Variants in MAGI3 observed in about 807,000 individuals in gnomAD.
MAGI3 encodes the protein membrane associated guanylate kinase, WW and PDZ domain containing 3.
Under a neutral mutation model 121.8 loss-of-function variants are expected in MAGI3, and 43 were observed. The ratio of observed to expected loss-of-function variants is 0.35; its 90% confidence interval spans 0.28 to 0.46. The LOEUF (loss-of-function observed/expected upper bound fraction) is 0.46, where lower values mean the gene tolerates loss of function less well. Ranked by LOEUF, MAGI3 falls within the 20% of genes least tolerant of loss-of-function variation. The pLI, the probability that MAGI3 is intolerant of heterozygous loss-of-function variation, is 1.00. For synonymous variants in MAGI3, 553 were observed against 639.3 expected (o/e 0.86, Z 2.04); for missense variants, 1,547 against 1,797.3 (o/e 0.86, Z 2.52).
chr1:113,570,070 T>A (rs1312918679), intron 2 of MAGI3, among the ~76,000 whole-genome samples: 1 of 152,078 alleles, frequency 6.6e-6, no homozygotes, highest in Non-Finnish European at 1.5e-5. Flanking sequence ...GACCCCAGTG[T>A]GTGATGTTGC....
intron 1 of MAGI3, among the ~76,000 whole-genome samples, chr1:113,455,575 T>C (rs955864040): frequency 1.3e-5 from 2 of 152,124 alleles, no homozygotes; most frequent in African/African-American, 4.8e-5. Flanking sequence ...CATCTAATAC[T>C]GTTCTCTTTT....
rs189253283 is a variant in MAGI3, at chr1:113,399,106, T to G, written c.316+7757T>G. ...ATTATTATTTGGTTCTCTTTTCTTC[T>G]GGGTTGGATTTTTTCTCAGCTAGAC... On this transcript the variant is annotated intron_variant, in intron 1 of 20. Transcript: ENST00000307546. Among the ~76,000 whole-genome samples, 6 of 147,840 alleles carry G rather than the reference T, an allele frequency of 4.1e-5. No homozygotes were observed. In the East Asian group the frequency reaches 1.6e-3, roughly 40 times the overall value.
intron 1 of MAGI3, among the ~76,000 whole-genome samples, chr1:113,519,846 A>G (rs1658090312): frequency 6.6e-6 from 1 of 152,234 alleles, no homozygotes; most frequent in South Asian, 2.1e-4. Context: ...TTGTTTGCAC[A>G]ATTTAGGCAA....
At chr1:113,674,949 T>A (rs1305515709) in intron 19 of MAGI3, among the ~76,000 whole-genome samples, 1 of 152,220 alleles carries the variant, frequency 6.6e-6, no homozygotes, top group Non-Finnish European at 1.5e-5. Context: ...CCAGGCTGAA[T>A]AAATGAGCAA....
chr1:113,534,921 A>G (rs1326007054), intron 1 of MAGI3, among the ~76,000 whole-genome samples: 3 of 152,172 alleles, frequency 2.0e-5, no homozygotes, highest in African/African-American at 7.2e-5. Context: ...TCTTAACAGT[A>G]AATTGCCTTA....
intron 1 of MAGI3, among the ~76,000 whole-genome samples, chr1:113,445,095 T>G (rs1654106446): frequency 6.6e-6 from 1 of 151,954 alleles, no homozygotes; most frequent in South Asian, 2.1e-4. Flanking sequence ...TAAACAGAGC[T>G]TAAGGAATCT....
At chr1:113,494,267 A>G (rs1656809291) in intron 1 of MAGI3, among the ~76,000 whole-genome samples, 1 of 152,162 alleles carries the variant, frequency 6.6e-6, no homozygotes, top group Non-Finnish European at 1.5e-5. Flanking sequence ...AGGAACAGAA[A>G]ACCAAATACC....
At chr1:113,644,749 G>A (rs1777237) in intron 11 of MAGI3, among the ~76,000 whole-genome samples, 114,133 of 152,094 alleles carry the variant, frequency 0.75, 43,576 homozygotes, top group African/African-American at 0.85. Context: ...TGCATCAAAT[G>A]CTGCTGTTGT....
intron 2 of MAGI3, chr1:113,576,879 G>A (rs1054642721): frequency 6.6e-6 from 1 of 152,094 alleles, no homozygotes; most frequent in African/African-American, 2.4e-5. Flanking sequence ...AAGAAAGTGT[G>A]GGATTAAATA....
At chr1:113,528,728 C>T (rs1658571467) in intron 1 of MAGI3, among the ~76,000 whole-genome samples, 1 of 152,070 alleles carries the variant, frequency 6.6e-6, no homozygotes, top group African/African-American at 2.4e-5. Context: ...AAGAATTTTG[C>T]ACCTGGAAAT....
rs1173666902 is a variant in MAGI3, at chr1:113,590,539, C to T, written c.819C>T (p.Tyr273=). Residue 273 remains tyrosine (Y), a synonymous_variant, in exon 5 of 21, where the codon TAC becomes TAT. Transcript: ENST00000307546. ...ACTGGATGAAGACTGTTCCAAGTTA[C>T]AACCAAACAAATAGCTCCATGGACT... The part of the protein sequence containing the change: ...SSDWMKTVPS[Y]NQTNSSMDFR... 2 of 1,613,754 alleles carry T rather than the reference C, an allele frequency of 1.2e-6. No homozygotes were observed. The highest frequency in any genetic ancestry group is 1.3e-5 in the African/African-American group (1 of 75,016).
Position 113,444,338 on chromosome 1 carries a change from T to G in MAGI3, c.316+52989T>G, listed in dbSNP as rs559473251. Among the ~76,000 whole-genome samples, 5 of 152,234 alleles carry G rather than the reference T, an allele frequency of 3.3e-5. No individual in the cohort carries two copies. In the East Asian group the frequency reaches 9.6e-4, roughly 29 times the overall value. On this transcript the variant is annotated intron_variant, in intron 1 of 20. Coordinates refer to ENST00000307546, the MANE Select transcript of MAGI3 (RefSeq NM_001142782.2). ...TGTATACCTACCCCCATTGTTGCAG[T>G]CCCCTCCCCCTTCAGCTGAAGTGAT...
intron 1 of MAGI3, among the ~76,000 whole-genome samples, chr1:113,449,360 G>GGTGTGT (rs71087199): frequency 0.12 from 17,765 of 147,214 alleles, 1,293 homozygotes; most frequent in Non-Finnish European, 0.17. Flanking sequence ...TTACTTTTAT[G>GGTGTGT]GTGTGTGTGT....
At chr1:113,599,971 C>T (rs1215932568) in intron 6 of MAGI3, among the ~76,000 whole-genome samples, 1 of 152,044 alleles carries the variant, frequency 6.6e-6, no homozygotes, top group African/African-American at 2.4e-5. Context: ...AGACAAAAAC[C>T]ACATGGTTAT....
intron 1 of MAGI3, among the ~76,000 whole-genome samples, chr1:113,521,349 G>C (rs1386615839): frequency 6.6e-6 from 1 of 151,426 alleles, no homozygotes; most frequent in Non-Finnish European, 1.5e-5. Context: ...GCCTCCCAGA[G>C]AGCTGGGATT....
chr1:113,590,697 A>AC, intron 5 of MAGI3, 39 bp downstream of exon 5: 1 of 1,541,000 alleles, frequency 6.5e-7, no homozygotes, highest in South Asian at 1.3e-5. Context: ...GTGCCCTAAC[A>AC]TGTTGAGGAT....
intron 13 of MAGI3, among the ~76,000 whole-genome samples, chr1:113,649,673 A>G (rs561133457): frequency 5.9e-5 from 9 of 152,276 alleles, no homozygotes; most frequent in Non-Finnish European, 1.0e-4. Flanking sequence ...CTATAATCCC[A>G]TGTCCTCTTT....
intron 1 of MAGI3, among the ~76,000 whole-genome samples, chr1:113,472,277 A>G (rs1244054185): frequency 1.4e-5 from 2 of 148,066 alleles, no homozygotes; most frequent in South Asian, 4.3e-4. Flanking sequence ...ATCTCGGCTC[A>G]CTGCAAGCTC....
chr1:113,539,039 A>G (rs182708164), intron 1 of MAGI3, among the ~76,000 whole-genome samples: 98 of 152,262 alleles, frequency 6.4e-4, no homozygotes, highest in Admixed American at 3.0e-3. Flanking sequence ...TTATAGTAAC[A>G]TATTTTCACT....
Sources: allele counts gnomAD v4.1 joint callset (sites outside exome capture counted in the v4.1 genomes callset), GRCh38; gene constraint gnomAD v4.1.1; transcripts MANE v1.5; gene names NCBI Gene and HGNC (gene_info 2026-07-23, HGNC 2026-07-21).